Variants in TOX observed in about 807,000 individuals in gnomAD.
TOX encodes thymocyte selection associated high mobility group box, also known as thymocyte selection-associated high mobility group box protein TOX.
TOX carries 11 observed loss-of-function variants against 53.7 expected under a neutral mutation model. The observed-to-expected ratio is 0.20, with a 90% CI of 0.13 to 0.34. The LOEUF (loss-of-function observed/expected upper bound fraction) is 0.34, where lower values mean the gene tolerates loss of function less well. Among genes scored for constraint, TOX ranks in the 10% least tolerant of loss-of-function variants. TOX has a pLI of 1.00. For missense variants in TOX, 570 were observed against 664.6 expected (o/e 0.86, Z 1.56); for synonymous variants, 225 against 245.3 (o/e 0.92, Z 0.77).
chr8:58,825,401 A>G (rs1483300320), intron 6 of TOX, among the ~76,000 whole-genome samples: 2 of 152,236 alleles, frequency 1.3e-5, no homozygotes, highest in African/African-American at 2.4e-5. Flanking sequence ...ATTGCCGTAC[A>G]CTGCGGGTTG....
intron 3 of TOX, among the ~76,000 whole-genome samples, chr8:58,905,652 C>T (rs1183566470): frequency 2.0e-5 from 3 of 152,328 alleles, no homozygotes; most frequent in African/African-American, 7.2e-5. Flanking sequence ...ATCAATTCAA[C>T]TTCTCCTTAT....
intron 1 of TOX, among the ~76,000 whole-genome samples, chr8:59,007,850 T>A (rs1813820368): frequency 6.6e-6 from 1 of 152,174 alleles, no homozygotes; most frequent in Admixed American, 6.5e-5. Flanking sequence ...GACAGTCAAC[T>A]TTGGGGAAGT....
intron 3 of TOX, among the ~76,000 whole-genome samples, chr8:58,895,757 G>A (rs1470673358): frequency 6.6e-6 from 1 of 152,142 alleles, no homozygotes; most frequent in East Asian, 1.9e-4. Flanking sequence ...TCTTTTGTTT[G>A]GGACTGCTCT....
intron 2 of TOX, among the ~76,000 whole-genome samples, chr8:58,948,335 C>A (rs1191666206): frequency 6.6e-6 from 1 of 152,148 alleles, no homozygotes; most frequent in African/African-American, 2.4e-5. Flanking sequence ...CTTTCTCCCG[C>A]CATAATTCAT....
At chr8:59,068,086 C>T (rs1804126595) in intron 1 of TOX, among the ~76,000 whole-genome samples, 1 of 152,118 alleles carries the variant, frequency 6.6e-6, no homozygotes. Context: ...CTATAAATAT[C>T]TGAAATTATT....
At chr8:58,855,138 C>T (rs574584436) in intron 3 of TOX, among the ~76,000 whole-genome samples, 172 of 152,156 alleles carry the variant, frequency 1.1e-3, no homozygotes, top group Middle Eastern at 6.8e-3. Context: ...CTTCTCAACC[C>T]CTTCACTGAC....
chr8:58,821,187 T>C (rs1810269121), intron 6 of TOX, among the ~76,000 whole-genome samples: 1 of 152,148 alleles, frequency 6.6e-6, no homozygotes, highest in Admixed American at 6.5e-5. Context: ...ATGCAAAATT[T>C]TCCTTTTTAA....
At chr8:58,826,471 T>C (rs942030440) in intron 6 of TOX, among the ~76,000 whole-genome samples, 1 of 152,190 alleles carries the variant, frequency 6.6e-6, no homozygotes, top group Non-Finnish European at 1.5e-5. Flanking sequence ...AACTTAGAGT[T>C]GGCATGTCCT....
At chr8:59,067,502 C>A (rs1203006675) in intron 1 of TOX, among the ~76,000 whole-genome samples, 1 of 152,110 alleles carries the variant, frequency 6.6e-6, no homozygotes, top group South Asian at 2.1e-4. Flanking sequence ...CTACAGTGAG[C>A]TGCGATCACA....
intron 3 of TOX, among the ~76,000 whole-genome samples, chr8:58,854,668 C>A (rs920473069): frequency 6.6e-6 from 1 of 152,130 alleles, no homozygotes; most frequent in African/African-American, 2.4e-5. Flanking sequence ...TTAGGTCAGG[C>A]AGACAGCTTG....
At chr8:58,842,631 T>C (rs1810664180) in intron 4 of TOX, among the ~76,000 whole-genome samples, 1 of 152,180 alleles carries the variant, frequency 6.6e-6, no homozygotes, top group African/African-American at 2.4e-5. Flanking sequence ...GCTTTAGATC[T>C]ACTGGAAGTG....
chr8:58,922,474 C>A (rs2129174858), intron 3 of TOX, among the ~76,000 whole-genome samples: 1 of 152,222 alleles, frequency 6.6e-6, no homozygotes, highest in South Asian at 2.1e-4. Flanking sequence ...TTCCTATAGC[C>A]TTTAATTTTT....
At chr8:58,835,469 A>G (rs1030506912) in intron 5 of TOX, among the ~76,000 whole-genome samples, 4 of 152,176 alleles carry the variant, frequency 2.6e-5, no homozygotes, top group African/African-American at 9.7e-5. Flanking sequence ...TCTGTAAATA[A>G]CTTTGATGGT....
intron 1 of TOX, among the ~76,000 whole-genome samples, chr8:59,055,149 A>T (rs1368720093): frequency 6.6e-6 from 1 of 152,054 alleles, no homozygotes; most frequent in African/African-American, 2.4e-5. Flanking sequence ...TACTTTGTAT[A>T]CTCCTAGAGT....
intron 4 of TOX, among the ~76,000 whole-genome samples, chr8:58,844,203 G>A (rs750963059): frequency 3.3e-5 from 5 of 152,138 alleles, no homozygotes; most frequent in East Asian, 3.8e-4. Flanking sequence ...GCTCTCTGCC[G>A]TGTCTAAAAG....
At chr8:59,002,438 A>G (rs1813708082) in intron 1 of TOX, among the ~76,000 whole-genome samples, 2 of 151,524 alleles carry the variant, frequency 1.3e-5, no homozygotes, top group Admixed American at 1.3e-4. Context: ...TAAAAATACA[A>G]AAAATTAGCG....
intron 7 of TOX, among the ~76,000 whole-genome samples, chr8:58,814,852 T>G (rs1810146898): frequency 1.3e-5 from 2 of 152,218 alleles, no homozygotes. Context: ...ACTTTCAGGG[T>G]TCTACCAGAT....
At chr8:58,854,102 A>G (rs1810871036) in intron 3 of TOX, among the ~76,000 whole-genome samples, 1 of 152,212 alleles carries the variant, frequency 6.6e-6, no homozygotes, top group African/African-American at 2.4e-5. Flanking sequence ...TAATGTGCAT[A>G]TTCCAACTTA....
chr8:58,965,692 A>C (rs1812882213), intron 1 of TOX, among the ~76,000 whole-genome samples: 1 of 152,034 alleles, frequency 6.6e-6, no homozygotes, highest in Non-Finnish European at 1.5e-5. Flanking sequence ...AAAATCTTAC[A>C]TTTCTGGGTG....
Sources: gnomAD v4.1 joint callset for allele counts (sites outside exome capture counted in the v4.1 genomes callset) on GRCh38, gnomAD v4.1.1 for gene constraint, MANE v1.5 for transcripts, NCBI Gene and HGNC (gene_info 2026-07-23, HGNC 2026-07-21) for gene names.